Variants in RABL3 observed in about 807,000 individuals in gnomAD.
RABL3 encodes RAB, member of RAS oncogene family like 3, also known as rab-like protein 3.
RABL3 carries 31 observed loss-of-function variants against 31.8 expected under a neutral mutation model. The observed-to-expected ratio is 0.97, with a 90% confidence interval of 0.73 to 1.31. RABL3 has a LOEUF of 1.31. Ranked by LOEUF, RABL3 falls within the 40% of genes most tolerant of loss-of-function variation. The pLI is 0.00. For missense variants in RABL3, 263 were observed against 279.6 expected (o/e 0.94, Z 0.42); for synonymous variants, 97 against 99.9 (o/e 0.97, Z 0.18).
chr3:120,738,279 G>A (rs997116720), intron 1 of RABL3, among the ~76,000 whole-genome samples: 3 of 152,228 alleles, frequency 2.0e-5, no homozygotes, highest in East Asian at 1.9e-4. Flanking sequence ...GCAAGGCTCC[G>A]TGGGTGTGGC....
chr3:120,703,244 A>G (rs568768076), intron 4 of RABL3, among the ~76,000 whole-genome samples: 1 of 152,286 alleles, frequency 6.6e-6, no homozygotes, highest in East Asian at 1.9e-4. Flanking sequence ...CATATAAAGT[A>G]TGTTCTTGGA....
intron 1 of RABL3, among the ~76,000 whole-genome samples, chr3:120,732,815 T>C (rs997457286): frequency 2.6e-5 from 4 of 151,692 alleles, no homozygotes; most frequent in Non-Finnish European, 5.9e-5. Context: ...AAGTGGTGTT[T>C]GGTTTTTTGT....
chr3:120,706,768 A>G (rs748171220), intron 3 of RABL3, among the ~76,000 whole-genome samples: 36 of 152,110 alleles, frequency 2.4e-4, no homozygotes, highest in Non-Finnish European at 4.4e-4. Context: ...GAAATATGCC[A>G]CTATAAGAGA....
intron 6 of RABL3, among the ~76,000 whole-genome samples, chr3:120,693,044 A>G (rs902253475): frequency 1.3e-5 from 2 of 152,176 alleles, no homozygotes; most frequent in Non-Finnish European, 2.9e-5. Flanking sequence ...CACGTAGAAA[A>G]TGCTAATATT....
rs1052183722 is a variant in RABL3, at chr3:120,709,133, G to T, written c.268+647C>A. ...CACAGTAAAAACAGGTTTTAAAAAT[G>T]AATTTTTAAAAAGACTAAGAAAGAA... On this transcript the variant is annotated intron_variant, in intron 3 of 7. Transcript: ENST00000273375. 7.9e-5 allele frequency among the ~76,000 whole-genome samples: 12 copies of T among 151,786 alleles called. No homozygotes were observed. In the East Asian group the frequency reaches 2.1e-3, roughly 27 times the overall value.
At chr3:120,723,688 T>G (rs995366277) in intron 2 of RABL3, among the ~76,000 whole-genome samples, 1 of 152,114 alleles carries the variant, frequency 6.6e-6, no homozygotes, top group Non-Finnish European at 1.5e-5. Context: ...ACAGAACCAA[T>G]GACAAAAATC....
At chr3:120,711,355 TA>T (rs140458528) in intron 2 of RABL3, among the ~76,000 whole-genome samples, 1 of 152,086 alleles carries the variant, frequency 6.6e-6, no homozygotes, top group Non-Finnish European at 1.5e-5. Context: ...TCTTTGACTT[TA>T]AAAAAATATG....
At position 120,694,211 on chromosome 3, in the gene RABL3, G is replaced by A. The variant is rs377755965; in HGVS notation, c.548C>T (p.Pro183Leu). The A allele has an allele frequency of 3.1e-6, 5 of 1,610,292 alleles. No homozygotes were observed. Among genetic ancestry groups the A allele is most frequent in the South Asian group, 1.1e-5 (1 of 90,674 alleles). ...GGAAGAACCTGCAGCTAAGTACCGT[G>A]GATTTGTGCAGTCCTAGAAGATAAA... is the stretch of plus-strand genomic sequence containing the variant. ...PEEINLDCTNPRYLAAGSSNA... is the reference protein window; with the variant it reads ...PEEINLDCTNLRYLAAGSSNA... Residue 183 changes from proline (P) to leucine (L), a missense_variant, in exon 6 of 8, where the codon CCA becomes CTA. Pro to Leu is a moderately conservative substitution (Grantham distance 98). Coordinates refer to ENST00000273375, the MANE Select transcript of RABL3 (RefSeq NM_173825.5).
rs879269471 is a variant in RABL3 at position 120,715,733 on chromosome 3, AT to A, written c.139-5825del. Among the ~76,000 whole-genome samples, 669 of 148,340 alleles carry A rather than the reference AT, an allele frequency of 4.5e-3. 5 individuals carry two copies. The highest frequency in any genetic ancestry group is 6.8e-3 in the Non-Finnish European group (455 of 66,820). ...TGGCTACTATATTGAACAGTATCAG[AT>A]TTTTTTTTTTCTTAATACTGTTCTG... On this transcript the variant is annotated intron_variant, in intron 2 of 7. Transcript: ENST00000273375.
intron 2 of RABL3, among the ~76,000 whole-genome samples, chr3:120,714,180 G>A (rs779704858): frequency 3.3e-5 from 5 of 152,112 alleles, no homozygotes; most frequent in Non-Finnish European, 5.9e-5. Context: ...AAAGAACAGT[G>A]GATATTGTAG....
chr3:120,706,078 GACTTCTTATTTGTTAAGTCGTGT>G lies in RABL3; in HGVS notation c.282_304del (p.His95LeufsTer29). 1 of 1,613,406 alleles carries G rather than the reference GACTTCTTATTTGTTAAGTCGTGT, an allele frequency of 6.2e-7. No individual in the cohort carries two copies. Among genetic ancestry groups the G allele is most frequent in the Non-Finnish European group, 8.5e-7 (1 of 1,179,418 alleles). On this transcript the variant is annotated frameshift_variant, in exon 4 of 8. Transcript: ENST00000273375. LOFTEE classifies it high-confidence loss of function. ...TGACCAACGACGCAAGTTTTGGGAG[GACTTCTTATTTGTTAAGTCGTGT>G]ACGAAAATAATACCTAAAATAATCA...
At chr3:120,742,604 C>G, upstream of RABL3, 1 of 1,185,010 alleles carries the variant, frequency 8.4e-7, no homozygotes, top group Non-Finnish European at 1.3e-6. Flanking sequence ...ATTGGCCACT[C>G]GGAGCGTGAC....
rs1708333465 is a variant in RABL3 at position 120,688,050 on chromosome 3, CA to C, written c.*1772del. On this transcript the variant is annotated 3_prime_UTR_variant, in exon 8 of 8. Coordinates refer to ENST00000273375, the MANE Select transcript of RABL3 (RefSeq NM_173825.5). ...GATATCAAGTGATCGACCCGCCTCC[CA>C]AAGTGTTGGGATTAAAGGTGTGAGC... 1.3e-5 allele frequency: 2 copies of C among 152,008 alleles called. No individual in the cohort carries two copies. Among genetic ancestry groups the C allele is most frequent in the African/African-American group, 4.8e-5 (2 of 41,394 alleles). The allele number at this position is 152,008 out of a possible 1,614,324, so 9.4% of individuals were successfully genotyped here. A position where few individuals can be genotyped will look rare whatever the true frequency, so the allele number is the denominator to read the frequency against.
chr3:120,735,850 C>T (rs556350210), intron 1 of RABL3, among the ~76,000 whole-genome samples: 97 of 152,230 alleles, frequency 6.4e-4, no homozygotes, highest in South Asian at 4.1e-4. Context: ...TGCAGTTGAG[C>T]GGTTTTGAGT....
chr3:120,715,114 T>C (rs1708653211), intron 2 of RABL3, among the ~76,000 whole-genome samples: 1 of 152,208 alleles, frequency 6.6e-6, no homozygotes, highest in South Asian at 2.1e-4. Context: ...GGACAGTCCA[T>C]CTAGCCACTT....
chr3:120,733,592 GC>G (rs1371381793), intron 1 of RABL3, among the ~76,000 whole-genome samples: 3 of 152,176 alleles, frequency 2.0e-5, no homozygotes, highest in Admixed American at 2.0e-4. Context: ...GGCTTTTGTT[GC>G]CATTGCTTTT....
intron 2 of RABL3, among the ~76,000 whole-genome samples, chr3:120,718,513 A>T (rs1398520962): frequency 6.6e-6 from 1 of 152,200 alleles, no homozygotes; most frequent in Non-Finnish European, 1.5e-5. Context: ...CCACTTGGCA[A>T]TATGATTGCA....
chr3:120,733,831 G>C (rs1001384146), intron 1 of RABL3, among the ~76,000 whole-genome samples: 1 of 152,116 alleles, frequency 6.6e-6, no homozygotes, highest in Admixed American at 6.5e-5. Flanking sequence ...CCCATTGCTT[G>C]TTTTTCTCAG....
chr3:120,729,576 T>C (rs551868375), intron 2 of RABL3, among the ~76,000 whole-genome samples: 12 of 152,208 alleles, frequency 7.9e-5, no homozygotes, highest in African/African-American at 2.6e-4. Context: ...GACACCATAA[T>C]GAAGGATCAG....
Sources: allele counts gnomAD v4.1 joint callset (sites outside exome capture counted in the v4.1 genomes callset), GRCh38; gene constraint gnomAD v4.1.1; transcripts MANE v1.5; gene names NCBI Gene and HGNC (gene_info 2026-07-23, HGNC 2026-07-21).